Variants in SKAP2 observed in about 807,000 individuals in gnomAD.
SKAP2 encodes src kinase associated phosphoprotein 2.
In SKAP2, 28 loss-of-function variants were observed where a neutral mutation model predicts 54.9. The observed-to-expected ratio is 0.51, with a 90% CI of 0.38 to 0.70. The LOEUF is 0.70. Among genes scored for constraint, SKAP2 ranks in the 30% least tolerant of loss-of-function variants. The pLI, the probability that SKAP2 is intolerant of heterozygous loss-of-function variation, is 0.00. For missense variants in SKAP2, 356 were observed against 424.1 expected (o/e 0.84, Z 1.41); for synonymous variants, 137 against 134.3 (o/e 1.02, Z -0.14).
chr7:26,785,068 T>C (rs1278653246), intron 4 of SKAP2, among the ~76,000 whole-genome samples: 1 of 152,168 alleles, frequency 6.6e-6, no homozygotes, highest in Non-Finnish European at 1.5e-5. Flanking sequence ...GAACTGTCAT[T>C]TTTTTGCTCA....
chr7:26,694,226 C>A (rs936368510), intron 9 of SKAP2, among the ~76,000 whole-genome samples: 2 of 152,032 alleles, frequency 1.3e-5, no homozygotes, highest in African/African-American at 4.8e-5. Flanking sequence ...ATATTCCATT[C>A]AACATTTTAA....
intron 4 of SKAP2, among the ~76,000 whole-genome samples, chr7:26,836,277 G>T (rs1784709708): frequency 6.6e-6 from 1 of 152,150 alleles, no homozygotes; most frequent in African/African-American, 2.4e-5. Context: ...CAGTACATAG[G>T]CATGGGCAAA....
At chr7:26,709,346 C>T (rs1787243631) in intron 9 of SKAP2, among the ~76,000 whole-genome samples, 1 of 152,108 alleles carries the variant, frequency 6.6e-6, no homozygotes, top group African/African-American at 2.4e-5. Context: ...AGAAAAGGAA[C>T]TAGCTTAATA....
chr7:26,800,989 A>T (rs963115106), intron 4 of SKAP2, among the ~76,000 whole-genome samples: 1 of 152,208 alleles, frequency 6.6e-6, no homozygotes, highest in African/African-American at 2.4e-5. Context: ...TTCCAAATTC[A>T]TTCTACAAGG....
intron 4 of SKAP2, among the ~76,000 whole-genome samples, chr7:26,759,719 A>G (rs1782882158): frequency 6.6e-6 from 1 of 152,128 alleles, no homozygotes; most frequent in South Asian, 2.1e-4. Context: ...ATAGATCACT[A>G]TTTTTGGTTT....
downstream of SKAP2, among the ~76,000 whole-genome samples, chr7:26,665,432 A>G (rs762662014): frequency 2.4e-4 from 37 of 152,192 alleles, no homozygotes; most frequent in Non-Finnish European, 1.5e-4. Flanking sequence ...CTAACTGTAT[A>G]AAGGCATTTT....
chr7:26,856,481 G>C (rs1785166485), intron 1 of SKAP2, among the ~76,000 whole-genome samples: 2 of 152,270 alleles, frequency 1.3e-5, no homozygotes, highest in Admixed American at 1.3e-4. Context: ...GGGACATAGA[G>C]ACATAATCTA....
At position 26,740,962 on chromosome 7, in the gene SKAP2, T is replaced by TG. The variant is rs1213115187; in HGVS notation, c.308-999dup. Among the ~76,000 whole-genome samples the TG allele has an allele frequency of 4.6e-5, 7 of 151,100 alleles. No individual in the cohort carries two copies. The East Asian group carries it at 1.4e-3, about 29-fold the overall frequency. Reference sequence around the variant, plus strand: ...AAGATCACGCCATTGCAATCCAGCCTGGGAAAAAAAAGAGAAAAAAACGAA... The same window carrying TG: ...AAGATCACGCCATTGCAATCCAGCCTGGGGAAAAAAAAGAGAAAAAAACGAA... On this transcript the variant is annotated intron_variant, in intron 4 of 12. Coordinates refer to ENST00000345317, the MANE Select transcript of SKAP2 (RefSeq NM_003930.5).
Position 26,854,150 on chromosome 7 carries a change from T to C in SKAP2, c.186A>G (p.Glu62=). 6.3e-7 allele frequency: 1 copy of C among 1,585,048 alleles called. No homozygotes were observed. Among genetic ancestry groups the C allele is most frequent in the Non-Finnish European group, 8.6e-7 (1 of 1,165,678 alleles). The change falls in exon 3 of 13, where the codon GAA becomes GAG. Residue 62 remains glutamate (E), a synonymous_variant. Coordinates refer to ENST00000345317, the MANE Select transcript of SKAP2 (RefSeq NM_003930.5). ...ATGAAAACTTACCTTTGTCTTGAAA[T>C]TCCTGAAGATAGCTACAAAACAAAG... ...IKDVKSIYLQ[E]FQDKGDAEDG...
At chr7:26,782,477 C>T (rs1460913364) in intron 4 of SKAP2, among the ~76,000 whole-genome samples, 1 of 151,968 alleles carries the variant, frequency 6.6e-6, no homozygotes, top group African/African-American at 2.4e-5. Flanking sequence ...AATATGTGTC[C>T]CCCCCAAATT....
rs188011989 is a variant in SKAP2, at chr7:26,864,270, G to A, written c.67+93C>T. On this transcript the variant is annotated intron_variant, in intron 1 of 12. Transcript: ENST00000345317. ...AGAAGACGTGGGAAGCGCGGGGAGG[G>A]AGGATAAGGGCTCTGAATGCTTCTG... 5.4e-4 allele frequency: 792 copies of A among 1,470,754 alleles called. 5 individuals are homozygous for A. In the African/African-American group the frequency reaches 1.0e-2, roughly 19 times the overall value. 91.1% of individuals were successfully genotyped at this position (1,470,754 alleles called of 1,614,324 possible). A position where few individuals can be genotyped will look rare whatever the true frequency, so the allele number is the denominator to read the frequency against.
At chr7:26,796,332 G>A (rs1014076938) in intron 4 of SKAP2, among the ~76,000 whole-genome samples, 6 of 151,946 alleles carry the variant, frequency 3.9e-5, no homozygotes, top group Non-Finnish European at 5.9e-5. Flanking sequence ...AAAACGCTAT[G>A]TGACACTAAT....
At chr7:26,747,769 T>C (rs1232268565) in intron 4 of SKAP2, among the ~76,000 whole-genome samples, 1 of 151,646 alleles carries the variant, frequency 6.6e-6, no homozygotes, top group Non-Finnish European at 1.5e-5. Flanking sequence ...CTTCTCACCT[T>C]CCTTTTCCCC....
At chr7:26,764,612 T>C (rs1205385000) in intron 4 of SKAP2, among the ~76,000 whole-genome samples, 4 of 152,266 alleles carry the variant, frequency 2.6e-5, no homozygotes, top group East Asian at 1.9e-4. Context: ...ATTTTTATCA[T>C]ACTTTAAGTT....
chr7:26,815,638 T>C (rs762196169), intron 4 of SKAP2, among the ~76,000 whole-genome samples: 2 of 152,096 alleles, frequency 1.3e-5, no homozygotes, highest in African/African-American at 2.4e-5. Context: ...CCTGTGATTA[T>C]TGCCCAAGGG....
intron 4 of SKAP2, among the ~76,000 whole-genome samples, chr7:26,791,888 T>C (rs1054962356): frequency 7.2e-5 from 11 of 152,306 alleles, no homozygotes; most frequent in African/African-American, 2.6e-4. Context: ...AAAAGTCTTG[T>C]ACACCAACAC....
intron 4 of SKAP2, among the ~76,000 whole-genome samples, chr7:26,782,424 T>A (rs551630217): frequency 6.6e-6 from 1 of 152,132 alleles, no homozygotes; most frequent in South Asian, 2.1e-4. Flanking sequence ...GAAAAAAGAG[T>A]TGTATTAAAT....
chr7:26,806,312 G>A (rs2127986368), intron 4 of SKAP2, among the ~76,000 whole-genome samples: 1 of 152,160 alleles, frequency 6.6e-6, no homozygotes, highest in African/African-American at 2.4e-5. Context: ...CAGCACTTTG[G>A]GAGGCCAAAG....
At chr7:26,691,625 A>G (rs1389425395) in intron 9 of SKAP2, among the ~76,000 whole-genome samples, 1 of 152,184 alleles carries the variant, frequency 6.6e-6, no homozygotes, top group African/African-American at 2.4e-5. Flanking sequence ...ACAGAAGACA[A>G]GCTCTAAAGG....
Sources: gnomAD v4.1 joint callset for allele counts (sites outside exome capture counted in the v4.1 genomes callset) on GRCh38, gnomAD v4.1.1 for gene constraint, MANE v1.5 for transcripts, NCBI Gene and HGNC (gene_info 2026-07-23, HGNC 2026-07-21) for gene names.